Variants in BMP2K observed in about 807,000 individuals in gnomAD.
BMP2K encodes the protein BMP2 inducible kinase, also known as BMP-2-inducible protein kinase.
In BMP2K, 74 loss-of-function variants were observed where a neutral mutation model predicts 116.0. The ratio of observed to expected loss-of-function variants is 0.64; its 90% CI spans 0.53 to 0.77. The LOEUF is 0.77. Ranked by LOEUF, BMP2K falls within the 30% of genes least tolerant of loss-of-function variation. The pLI is 0.00. For synonymous variants in BMP2K, 486 were observed against 502.5 expected, an observed-to-expected ratio of 0.97 and a Z score of 0.44; for missense variants, 1,365 against 1,403.6, an observed-to-expected ratio of 0.97 and a Z score of 0.44.
At chr4:78,779,875 C>T (rs1727422430) in intron 1 of BMP2K, among the ~76,000 whole-genome samples, 1 of 152,102 alleles carries the variant, frequency 6.6e-6, no homozygotes, top group Admixed American at 6.5e-5. Flanking sequence ...AGTTCCTCCT[C>T]AAAGTTTAAA....
At chr4:78,776,745 G>C in intron 1 of BMP2K, 24 bp downstream of exon 1, 1 of 1,261,906 alleles carries the variant, frequency 7.9e-7, no homozygotes. Context: ...GGGAGGCTCG[G>C]ACAGGCAGGT....
At chr4:78,847,407 G>A in intron 6 of BMP2K, 138 bp downstream of exon 6, 1 of 422,092 alleles carries the variant, frequency 2.4e-6, no homozygotes, top group Non-Finnish European at 4.1e-6. Context: ...TTCTTACTTG[G>A]GAGAAGAAAA....
At chr4:78,901,833 T>C (rs992082107) in intron 15 of BMP2K, among the ~76,000 whole-genome samples, 4 of 152,184 alleles carry the variant, frequency 2.6e-5, no homozygotes, top group African/African-American at 7.2e-5. Context: ...ATTAATTAGG[T>C]CACTGAAGTT....
At chr4:78,806,213 G>A (rs796855231) in intron 1 of BMP2K, among the ~76,000 whole-genome samples, 7 of 151,588 alleles carry the variant, frequency 4.6e-5, no homozygotes, top group African/African-American at 1.2e-4. Flanking sequence ...TTTTTTGGAG[G>A]CAGGATCTTA....
rs1372678575 is a variant in BMP2K at position 78,915,801 on chromosome 4, G to A, written c.*3768G>A. 1 of 151,818 alleles carries A rather than the reference G, an allele frequency of 6.6e-6. No homozygotes were observed. Among genetic ancestry groups the A allele is most frequent in the Non-Finnish European group, 1.5e-5 (1 of 67,834 alleles). 9.4% of individuals were successfully genotyped at this position (151,818 alleles called of 1,614,324 possible). A position where few individuals can be genotyped will look rare whatever the true frequency, so the allele number is the denominator to read the frequency against. ...ATAATGCAAAGGGTCATGATTTGGGGTTATTTTTGTTTTATTTTAAAATTT... is the reference window on the plus strand; with the variant it reads ...ATAATGCAAAGGGTCATGATTTGGGATTATTTTTGTTTTATTTTAAAATTT... On this transcript the variant is annotated 3_prime_UTR_variant, in exon 16 of 16. Coordinates refer to ENST00000502613, the MANE Select transcript of BMP2K (RefSeq NM_198892.2).
chr4:78,831,787 T>A (rs1422527455), intron 2 of BMP2K, among the ~76,000 whole-genome samples: 3 of 152,190 alleles, frequency 2.0e-5, no homozygotes, highest in African/African-American at 7.2e-5. Context: ...GTTAAAAAAA[T>A]GTAGAATAAA....
At chr4:78,802,468 A>G (rs1728609948) in intron 1 of BMP2K, among the ~76,000 whole-genome samples, 1 of 152,222 alleles carries the variant, frequency 6.6e-6, no homozygotes, top group South Asian at 2.1e-4. Flanking sequence ...AGTCAAACTT[A>G]CAAGTTTTCA....
Position 78,807,535 on chromosome 4 carries a change from C to T in BMP2K, c.179-18502C>T, listed in dbSNP as rs115612765. On this transcript the variant is annotated intron_variant, in intron 1 of 15. Transcript: ENST00000502613. ...CATTTGATGGAATTTATTAGTAAAG[C>T]CATCTAGTCTTGGGCTTTTCTTTTT... 9.2e-3 allele frequency among the ~76,000 whole-genome samples: 1,395 copies of T among 151,706 alleles called. 6 individuals carry two copies. The highest frequency in any genetic ancestry group is 0.016 in the Non-Finnish European group (1,065 of 67,888).
intron 1 of BMP2K, among the ~76,000 whole-genome samples, chr4:78,781,587 T>G (rs1235165404): frequency 2.6e-5 from 4 of 152,056 alleles, no homozygotes; most frequent in African/African-American, 9.7e-5. Context: ...TACTTCTGAT[T>G]GATTAGTGAG....
chr4:78,912,171 C>T lies in BMP2K; in HGVS notation c.*138C>T, dbSNP rs533532359. 1 of 786,274 alleles carries T rather than the reference C, an allele frequency of 1.3e-6. No individual in the cohort carries two copies. Among genetic ancestry groups the T allele is most frequent in the South Asian group, 1.8e-5 (1 of 55,044 alleles). 48.7% of individuals were successfully genotyped at this position (786,274 alleles called of 1,614,324 possible). On this transcript the variant is annotated 3_prime_UTR_variant, in exon 16 of 16. Coordinates refer to ENST00000502613, the MANE Select transcript of BMP2K (RefSeq NM_198892.2). ...TCAGAATAGGTGATTTCTAAATAAA[C>T]CAAATAGAAGAATGAAGTATCTCTA...
chr4:78,914,883 T>C lies in BMP2K; in HGVS notation c.*2850T>C, dbSNP rs2110117477. On this transcript the variant is annotated 3_prime_UTR_variant, in exon 16 of 16. Coordinates refer to ENST00000502613, the MANE Select transcript of BMP2K (RefSeq NM_198892.2). Reference sequence around the variant, plus strand: ...CAAAAATCTTGAGGCCAAAGTTGTTTCTTAACAGCTTTAATAATGCTTGTT... The same window carrying C: ...CAAAAATCTTGAGGCCAAAGTTGTTCCTTAACAGCTTTAATAATGCTTGTT... 1 of 152,132 alleles carries C rather than the reference T, an allele frequency of 6.6e-6. No individual in the cohort carries two copies. The highest frequency in any genetic ancestry group is 2.4e-5 in the African/African-American group (1 of 41,560). The allele number at this position is 152,132 out of a possible 1,614,324, so 9.4% of individuals were successfully genotyped here.
chr4:78,875,826 A>T (rs907959922), intron 13 of BMP2K, among the ~76,000 whole-genome samples: 1 of 152,222 alleles, frequency 6.6e-6, no homozygotes, highest in African/African-American at 2.4e-5. Flanking sequence ...GCCAAGGCAA[A>T]AATTATTTTG....
At chr4:78,781,811 T>C (rs972833210) in intron 1 of BMP2K, among the ~76,000 whole-genome samples, 1 of 152,188 alleles carries the variant, frequency 6.6e-6, no homozygotes, top group Non-Finnish European at 1.5e-5. Flanking sequence ...ATACAGATGC[T>C]GCCGGTTCAG....
Position 78,911,510 on chromosome 4 carries a change from A to T in BMP2K, c.2963A>T (p.Asp988Val), listed in dbSNP as rs372826254. The part of the protein sequence containing the change: ...LSSRQRRTKQ[D>V]MSKSNGKRHH... ...TCTCGCCAAAGGCGCACAAAGCAGG[A>T]TATGTCCAAAAGTAATGGGAAGCGG... The change falls in exon 16 of 16, where the codon GAT becomes GTT. Residue 988 changes from aspartate (D) to valine (V), a missense_variant. This residue lies in a region of BMP2K where 596 missense variants were observed against 623.2 expected (regional missense o/e 0.96). Coordinates refer to ENST00000502613, the MANE Select transcript of BMP2K (RefSeq NM_198892.2). 1.9e-6 allele frequency: 3 copies of T among 1,614,060 alleles called. No individual in the cohort carries two copies. Among genetic ancestry groups the T allele is most frequent in the Non-Finnish European group, 1.7e-6 (2 of 1,179,900 alleles).
intron 2 of BMP2K, among the ~76,000 whole-genome samples, chr4:78,826,855 G>T (rs1729897894): frequency 6.6e-6 from 1 of 151,860 alleles, no homozygotes; most frequent in Non-Finnish European, 1.5e-5. Flanking sequence ...TAAACACCAA[G>T]CTTGTTCATC....
chr4:78,895,432 A>G (rs1289959466), intron 15 of BMP2K, among the ~76,000 whole-genome samples: 1 of 152,216 alleles, frequency 6.6e-6, no homozygotes, highest in Non-Finnish European at 1.5e-5. Flanking sequence ...CACAAATTTC[A>G]AAAAGTGTTT....
chr4:78,801,801 C>T (rs1728580253), intron 1 of BMP2K, among the ~76,000 whole-genome samples: 1 of 152,180 alleles, frequency 6.6e-6, no homozygotes, highest in Non-Finnish European at 1.5e-5. Flanking sequence ...CTTCTCTCCT[C>T]TTGAGAGGAT....
intron 1 of BMP2K, among the ~76,000 whole-genome samples, chr4:78,795,984 G>A (rs1455346281): frequency 4.6e-5 from 7 of 151,610 alleles, no homozygotes; most frequent in South Asian, 4.2e-4. Flanking sequence ...TCAGTGTGGC[G>A]ATTCCTCAGG....
intron 1 of BMP2K, among the ~76,000 whole-genome samples, chr4:78,786,731 C>T (rs1296383541): frequency 6.6e-6 from 1 of 152,028 alleles, no homozygotes; most frequent in African/African-American, 2.4e-5. Context: ...TTTATTTTTT[C>T]CTGAAACCCT....
Sources: gnomAD v4.1 joint callset for allele counts (sites outside exome capture counted in the v4.1 genomes callset) on GRCh38, gnomAD v4.1.1 for gene constraint, gnomAD v4.1.1 regional missense constraint, MANE v1.5 for transcripts, NCBI Gene and HGNC (gene_info 2026-07-23, HGNC 2026-07-21) for gene names.